Variants in ABCD3 observed in about 807,000 individuals in gnomAD.
ABCD3 encodes ATP-binding cassette sub-family D member 3.
ABCD3 carries 41 observed loss-of-function variants against 105.5 expected under a neutral mutation model. The observed-to-expected ratio is 0.39, with a 90% confidence interval of 0.30 to 0.50. ABCD3 has a LOEUF of 0.50. Among genes scored for constraint, ABCD3 ranks in the 20% least tolerant of loss-of-function variants. The pLI is 0.84. For synonymous variants in ABCD3, 258 were observed against 269.0 expected (o/e 0.96, Z 0.40); for missense variants, 622 against 806.3 (o/e 0.77, Z 2.77).
chr1:94,404,933 A>G, the ABCD3 span, among the ~76,000 whole-genome samples: 1 of 148,430 alleles, frequency 6.7e-6, no homozygotes, highest in African/African-American at 2.5e-5. Context: ...AGCGAGACCC[A>G]TCTCGAAAAA....
At chr1:94,506,513 A>C (rs770152798) in intron 20 of ABCD3, 25 bp from the exon 21 acceptor site, 1 of 1,531,896 alleles carries the variant, frequency 6.5e-7, no homozygotes, top group African/African-American at 1.4e-5. Flanking sequence ...TGTGTTTTAC[A>C]CAAAAAATTT....
intron 16 of ABCD3, among the ~76,000 whole-genome samples, chr1:94,496,268 T>TG (rs1409372372): frequency 6.6e-6 from 1 of 152,178 alleles, no homozygotes; most frequent in Non-Finnish European, 1.5e-5. Context: ...CCCTTGCCCC[T>TG]GGTAACCTCT....
At chr1:94,431,529 A>G (rs1270209432) in intron 1 of ABCD3, among the ~76,000 whole-genome samples, 1 of 152,228 alleles carries the variant, frequency 6.6e-6, no homozygotes, top group Non-Finnish European at 1.5e-5. Flanking sequence ...AAAAAAACCA[A>G]CAAACATTCC....
In ABCD3 at chr1:94,499,524, G is replaced by A. The variant is rs1405510798; in HGVS notation, c.1650G>A (p.Gln550=). 1.2e-6 allele frequency: 2 copies of A among 1,613,720 alleles called. No homozygotes were observed. The highest frequency in any genetic ancestry group is 8.5e-7 in the Non-Finnish European group (1 of 1,179,734). ...TGAAGGAATACTTAGACAATGTCCAGTTGGGTCATATCCTTGAACGTGAAG... is the reference window on the plus strand; with the variant it reads ...TGAAGGAATACTTAGACAATGTCCAATTGGGTCATATCCTTGAACGTGAAG... ...LVLKEYLDNV[Q]LGHILEREGG... is the part of the protein sequence containing the mutation. The change falls in exon 20 of 23, where the codon CAG becomes CAA. Residue 550 remains glutamine (Q), a synonymous_variant. Coordinates refer to ENST00000370214, the MANE Select transcript of ABCD3 (RefSeq NM_002858.4).
the ABCD3 span, among the ~76,000 whole-genome samples, chr1:94,409,178 A>C: frequency 6.6e-6 from 1 of 152,174 alleles, no homozygotes; most frequent in African/African-American, 2.4e-5. Context: ...GATTATAGTA[A>C]AAAATAATTT....
chr1:94,515,096 A>G, intron 21 of ABCD3, 50 bp from the exon 22 acceptor site: 1 of 1,417,574 alleles, frequency 7.1e-7, no homozygotes. Flanking sequence ...GGACTAGTTT[A>G]ATTTGTGACT....
At chr1:94,503,466 T>C (rs1008484848) in intron 20 of ABCD3, among the ~76,000 whole-genome samples, 1 of 152,202 alleles carries the variant, frequency 6.6e-6, no homozygotes, top group Non-Finnish European at 1.5e-5. Context: ...CTCTGTCTTC[T>C]GACTTTATCA....
chr1:94,455,888 T>G (rs1570767370), intron 1 of ABCD3: 2 of 1,198,042 alleles, frequency 1.7e-6, no homozygotes, highest in East Asian at 1.2e-4. Context: ...AGTATCAATT[T>G]ATAACATTTA....
intron 2 of ABCD3, among the ~76,000 whole-genome samples, chr1:94,461,193 C>T (rs1449070892): frequency 1.3e-5 from 2 of 151,844 alleles, no homozygotes; most frequent in Non-Finnish European, 1.5e-5. Flanking sequence ...TATTTTTGCT[C>T]GTCAGAATTT....
chr1:94,515,764 G>A (rs925568403), intron 22 of ABCD3, among the ~76,000 whole-genome samples: 2 of 151,842 alleles, frequency 1.3e-5, no homozygotes, highest in Admixed American at 6.6e-5. Flanking sequence ...AACTCAATGT[G>A]AAATGCTCAA....
chr1:94,412,412 C>T, the ABCD3 span, among the ~76,000 whole-genome samples: 137 of 152,234 alleles, frequency 9.0e-4, no homozygotes, highest in African/African-American at 2.8e-3. Flanking sequence ...CATATTCTTC[C>T]GCACCTGGCT....
At chr1:94,498,504 G>A in intron 16 of ABCD3, 98 bp from the exon 17 acceptor site, 3 of 1,223,112 alleles carry the variant, frequency 2.5e-6, no homozygotes, top group Non-Finnish European at 3.6e-6. Flanking sequence ...CTTATAATTA[G>A]CCAGGAGCTA....
At chr1:94,443,279 G>C (rs1410754810) in intron 1 of ABCD3, among the ~76,000 whole-genome samples, 3 of 152,072 alleles carry the variant, frequency 2.0e-5, no homozygotes, top group Non-Finnish European at 2.9e-5. Context: ...AAAAATGTCT[G>C]TTCATGTTGT....
At chr1:94,389,951 C>A in the ABCD3 span, among the ~76,000 whole-genome samples, 35 of 152,308 alleles carry the variant, frequency 2.3e-4, no homozygotes, top group African/African-American at 8.4e-4. Context: ...AAGATCTCTG[C>A]AGACTATATT....
rs750812709 is a variant in ABCD3 at position 94,487,810 on chromosome 1, A to C, written c.1065+19A>C. The C allele has an allele frequency of 1.9e-6, 3 of 1,612,454 alleles. No individual in the cohort carries two copies. The African/African-American group carries it at 4.0e-5, about 22-fold the overall frequency. ...TCTAGAGGTAAACTGATGATAATAC[A>C]ATGAAAATGTAACAGTAAAAATAAA... On this transcript the variant is annotated intron_variant, in intron 12 of 22. Transcript: ENST00000370214.
chr1:94,496,694 G>GGTTTTTTTT (rs1302104709), intron 16 of ABCD3, among the ~76,000 whole-genome samples: 2 of 39,372 alleles, frequency 5.1e-5, no homozygotes, highest in Non-Finnish European at 8.3e-5. Flanking sequence ...CCTTGTTTCT[G>GGTTTTTTTT]TTTTTTTTTT....
At chr1:94,509,817 G>T (rs1166540757) in intron 21 of ABCD3, among the ~76,000 whole-genome samples, 1 of 152,148 alleles carries the variant, frequency 6.6e-6, no homozygotes, top group Non-Finnish European at 1.5e-5. Flanking sequence ...TTGTATTTTT[G>T]TGGGATCGGT....
At chr1:94,415,964 G>A (rs1405844735), upstream of ABCD3, among the ~76,000 whole-genome samples, 2 of 151,998 alleles carry the variant, frequency 1.3e-5, no homozygotes, top group East Asian at 3.9e-4. Context: ...TTGTCAGATG[G>A]GCTTTATCAA....
the ABCD3 span, among the ~76,000 whole-genome samples, chr1:94,411,751 A>G: frequency 6.6e-6 from 1 of 152,214 alleles, no homozygotes; most frequent in Non-Finnish European, 1.5e-5. Flanking sequence ...CCAAATGTGC[A>G]TCAGCTGATG....
Sources: allele counts gnomAD v4.1 joint callset (sites outside exome capture counted in the v4.1 genomes callset), GRCh38; gene constraint gnomAD v4.1.1; transcripts MANE v1.5; gene names NCBI Gene and HGNC (gene_info 2026-07-23, HGNC 2026-07-21).